The following DNAJC10 variants were observed in gnomAD, a reference collection of about 807,000 sequenced individuals.
The protein encoded by DNAJC10 is endoplasmic reticulum disulfide reductase DNAJC10.
In DNAJC10, 101 loss-of-function variants were observed where a neutral mutation model predicts 115.0. The ratio of observed to expected loss-of-function variants is 0.88; its 90% CI spans 0.75 to 1.04. The LOEUF is 1.04. DNAJC10 is among the 50% of genes least tolerant of loss of function. The probability of loss-of-function intolerance (pLI) is 0.00; values close to 1 mark genes in which losing one functional copy is unlikely to be tolerated. For synonymous variants in DNAJC10, 307 were observed against 301.5 expected (o/e 1.02, Z -0.19); for missense variants, 981 against 928.8 (o/e 1.06, Z -0.73).
rs1694917458 is a variant in DNAJC10 at position 182,784,780 on chromosome 2, A to G, written c.*7648A>G. 1 of 152,214 alleles carries G rather than the reference A, an allele frequency of 6.6e-6. No homozygotes were observed. The highest frequency in any genetic ancestry group is 1.5e-5 in the Non-Finnish European group (1 of 68,038). 9.4% of individuals were successfully genotyped at this position (152,214 alleles called of 1,614,324 possible). A position where few individuals can be genotyped will look rare whatever the true frequency, so the allele number is the denominator to read the frequency against. On this transcript the variant is annotated 3_prime_UTR_variant, in exon 24 of 24. Transcript: ENST00000264065. ...AGTAGCACCTATTCTTTTGAAAGGA[A>G]CTTTCTCAAAGGATTTTTAGGGCTT...
chr2:182,755,373 T>G (rs1261353008), intron 17 of DNAJC10, among the ~76,000 whole-genome samples: 2 of 152,096 alleles, frequency 1.3e-5, no homozygotes, highest in Non-Finnish European at 2.9e-5. Flanking sequence ...ATGCAATGTA[T>G]TTTCACCTTG....
chr2:182,723,573 C>T (rs192467011), intron 5 of DNAJC10, among the ~76,000 whole-genome samples: 5 of 152,264 alleles, frequency 3.3e-5, no homozygotes, highest in African/African-American at 9.6e-5. Context: ...TCATAACTCT[C>T]GTGTGAGTTA....
intron 5 of DNAJC10, among the ~76,000 whole-genome samples, chr2:182,722,724 T>A (rs990169425): frequency 7.2e-5 from 11 of 152,080 alleles, no homozygotes; most frequent in African/African-American, 2.4e-4. Flanking sequence ...GCAGATCGCT[T>A]GAGATCAGGA....
chr2:182,787,942 G>T lies in DNAJC10; in HGVS notation c.*10810G>T, dbSNP rs1282902700. The T allele has an allele frequency of 6.6e-6, 1 of 152,028 alleles. No individual in the cohort carries two copies. Among genetic ancestry groups the T allele is most frequent in the African/African-American group, 2.4e-5 (1 of 41,378 alleles). The allele number at this position is 152,028 out of a possible 1,614,324, so 9.4% of individuals were successfully genotyped here. A position where few individuals can be genotyped will look rare whatever the true frequency, so the allele number is the denominator to read the frequency against. On this transcript the variant is annotated 3_prime_UTR_variant, in exon 24 of 24. Coordinates refer to ENST00000264065, the MANE Select transcript of DNAJC10 (RefSeq NM_018981.4). The stretch of plus-strand genomic sequence containing the variant: ...TCTCAAAAAACAAAAGGTAAAGAAT[G>T]ATTTTAGGAATTAGGTGTCTCTAAA...
intron 22 of DNAJC10, among the ~76,000 whole-genome samples, chr2:182,775,002 T>C (rs1574961717): frequency 6.6e-6 from 1 of 151,820 alleles, no homozygotes; most frequent in Non-Finnish European, 1.5e-5. Context: ...GAATGCCCTC[T>C]CAAACTTTAT....
Position 182,775,321 on chromosome 2 carries a change from T to C in DNAJC10, c.2271T>C (p.Asn757=). Reference sequence around the variant, plus strand: ...ACAAGTGTTTTTAATTTTAGAGAAATTTTCAAGAAGAGCAGATAAATACCA... The same window carrying C: ...ACAAGTGTTTTTAATTTTAGAGAAACTTTCAAGAAGAGCAGATAAATACCA... ...KFYFYERAKR[N]FQEEQINTRD... Residue 757 remains asparagine, a synonymous_variant, in exon 23 of 24, where the codon AAT becomes AAC. Coordinates refer to ENST00000264065, the MANE Select transcript of DNAJC10 (RefSeq NM_018981.4). 6.2e-7 allele frequency: 1 copy of C among 1,600,022 alleles called. No homozygotes were observed. Among genetic ancestry groups the C allele is most frequent in the Non-Finnish European group, 8.6e-7 (1 of 1,169,460 alleles).
chr2:182,771,156 T>C (rs1385480497), intron 22 of DNAJC10, among the ~76,000 whole-genome samples: 1 of 152,208 alleles, frequency 6.6e-6, no homozygotes, highest in Non-Finnish European at 1.5e-5. Context: ...GGGATGAAGC[T>C]GACTTGATCT....
chr2:182,788,784 G>A lies in DNAJC10; in HGVS notation c.*11652G>A, dbSNP rs1434052243. Reference sequence around the variant, plus strand: ...GACTATTCAGAAGTTTTCTAAAATGGACTTCAAGCTCTATGACTTTATGAT... The same window carrying A: ...GACTATTCAGAAGTTTTCTAAAATGAACTTCAAGCTCTATGACTTTATGAT... On this transcript the variant is annotated 3_prime_UTR_variant, in exon 24 of 24. Transcript: ENST00000264065. 6.6e-6 allele frequency: 3 copies of A among 452,886 alleles called. No homozygotes were observed. Among genetic ancestry groups the A allele is most frequent in the African/African-American group, 4.0e-5 (2 of 49,766 alleles). The allele number at this position is 452,886 out of a possible 1,614,324, so 28.1% of individuals were successfully genotyped here.
chr2:182,749,941 A>G (rs1207378486), intron 14 of DNAJC10, among the ~76,000 whole-genome samples: 2 of 152,148 alleles, frequency 1.3e-5, no homozygotes, highest in African/African-American at 4.8e-5. Flanking sequence ...TTCCAAGCTT[A>G]CTTTTGTGAT....
At position 182,781,010 on chromosome 2, in the gene DNAJC10, C is replaced by T. The variant is rs1308825565; in HGVS notation, c.*3878C>T. 6.6e-6 allele frequency: 1 copy of T among 151,718 alleles called. No homozygotes were observed. The highest frequency in any genetic ancestry group is 2.4e-5 in the African/African-American group (1 of 41,264). 9.4% of individuals were successfully genotyped at this position (151,718 alleles called of 1,614,324 possible). ...TACTTCAAGTTCTGCAATACATGTG[C>T]AGAACATGCAGGTTTGTTACATAGG... On this transcript the variant is annotated 3_prime_UTR_variant, in exon 24 of 24. Coordinates refer to ENST00000264065, the MANE Select transcript of DNAJC10 (RefSeq NM_018981.4).
intron 11 of DNAJC10, chr2:182,739,942 T>C (rs745826463): frequency 3.0e-6 from 3 of 991,548 alleles, no homozygotes; most frequent in Non-Finnish European, 3.6e-6. Context: ...ATGATTAGCA[T>C]TAAAATTAAG....
rs1259952358 is a variant in DNAJC10 at position 182,784,865 on chromosome 2, C to T, written c.*7733C>T. 1.3e-5 allele frequency: 2 copies of T among 152,076 alleles called. No homozygotes were observed. The highest frequency in any genetic ancestry group is 2.4e-5 in the African/African-American group (1 of 41,430). The allele number at this position is 152,076 out of a possible 1,614,324, so 9.4% of individuals were successfully genotyped here. A position where few individuals can be genotyped will look rare whatever the true frequency, so the allele number is the denominator to read the frequency against. Reference sequence around the variant, plus strand: ...ATAGGCTTCCCTGAAGGATTTTAAGCAGAAATAACATCAGGTACCAGTAGA... The same window carrying T: ...ATAGGCTTCCCTGAAGGATTTTAAGTAGAAATAACATCAGGTACCAGTAGA... On this transcript the variant is annotated 3_prime_UTR_variant, in exon 24 of 24. Coordinates refer to ENST00000264065, the MANE Select transcript of DNAJC10 (RefSeq NM_018981.4).
chr2:182,718,408 T>G, intron 3 of DNAJC10, 118 bp downstream of exon 3: 1 of 832,468 alleles, frequency 1.2e-6, no homozygotes, highest in Non-Finnish European at 1.8e-6. Flanking sequence ...AAATTATAAT[T>G]CAACTTGTAT....
intron 14 of DNAJC10, among the ~76,000 whole-genome samples, chr2:182,751,174 C>CA (rs1694008306): frequency 8.3e-6 from 1 of 120,284 alleles, no homozygotes; most frequent in Non-Finnish European, 1.6e-5. Flanking sequence ...GTCTCACTCT[C>CA]ACCAGGCTGG....
At chr2:182,773,081 T>C (rs1405174757) in intron 22 of DNAJC10, among the ~76,000 whole-genome samples, 1 of 152,218 alleles carries the variant, frequency 6.6e-6, no homozygotes, top group Non-Finnish European at 1.5e-5. Context: ...ATTTTATTTC[T>C]CCTTCACTTA....
chr2:182,775,362 T>A lies in DNAJC10; in HGVS notation c.2312T>A (p.Ile771Asn), dbSNP rs1394967553. 1 of 1,613,290 alleles carries A rather than the reference T, an allele frequency of 6.2e-7. No homozygotes were observed. Among genetic ancestry groups the A allele is most frequent in the South Asian group, 1.1e-5 (1 of 91,020 alleles). ...EQINTRDAKA[I>N]AALISEKLET... ...ATAAATACCAGAGATGCAAAAGCAA[T>A]CGCTGCCTTAATAAGTGAAAAATTG... Residue 771 changes from isoleucine (I) to asparagine (N), a missense_variant, in exon 23 of 24, where the codon ATC becomes AAC. Coordinates refer to ENST00000264065, the MANE Select transcript of DNAJC10 (RefSeq NM_018981.4).
At position 182,743,659 on chromosome 2, in the gene DNAJC10, C is replaced by T. The variant is rs762911899; in HGVS notation, c.1253C>T (p.Pro418Leu). 17 of 1,613,314 alleles carry T rather than the reference C, an allele frequency of 1.1e-5. No individual in the cohort carries two copies. Among genetic ancestry groups the T allele is most frequent in the Admixed American group, 1.7e-5 (1 of 59,990 alleles). Residue 418 changes from proline to leucine, a missense_variant, in exon 14 of 24, where the codon CCG (proline) becomes CTG (leucine). Pro to Leu is a moderately conservative substitution (Grantham distance 98, BLOSUM62 -3). Transcript: ENST00000264065. Reference protein sequence around the residue: ...DICSNLYVFQPSLAVFKGQGT... With the variant: ...DICSNLYVFQLSLAVFKGQGT... ...TGTAGTAATCTGTATGTTTTTCAGC[C>T]GTCTCTAGCAGTATTTAAAGGACAA...
intron 10 of DNAJC10, among the ~76,000 whole-genome samples, chr2:182,734,303 A>T (rs1194148490): frequency 6.6e-6 from 1 of 151,502 alleles, no homozygotes; most frequent in Non-Finnish European, 1.5e-5. Flanking sequence ...TTTGATTATC[A>T]GTTTAAAATA....
chr2:182,749,922 A>C (rs1693972711), intron 14 of DNAJC10, among the ~76,000 whole-genome samples: 1 of 152,198 alleles, frequency 6.6e-6, no homozygotes, highest in South Asian at 2.1e-4. Context: ...GACTGGCTAC[A>C]GGGTCTGGTT....
Sources: allele counts gnomAD v4.1 joint callset (sites outside exome capture counted in the v4.1 genomes callset), GRCh38; gene constraint gnomAD v4.1.1; transcripts MANE v1.5; gene names NCBI Gene and HGNC (gene_info 2026-07-23, HGNC 2026-07-21).